Variants in ADAM23 observed in about 807,000 individuals in gnomAD.
The protein encoded by ADAM23 is ADAM metallopeptidase domain 23.
Under a neutral mutation model 120.1 loss-of-function variants are expected in ADAM23, and 33 were observed. The observed-to-expected ratio is 0.27, with a 90% confidence interval of 0.21 to 0.37. The LOEUF (loss-of-function observed/expected upper bound fraction) is 0.37, where lower values mean the gene tolerates loss of function less well. Among genes scored for constraint, ADAM23 ranks in the 10% least tolerant of loss-of-function variants. The pLI is 1.00. For missense variants in ADAM23, 862 were observed against 1,058.2 expected (o/e 0.81, Z 2.57); for synonymous variants, 367 against 375.2 (o/e 0.98, Z 0.25).
intron 18 of ADAM23, among the ~76,000 whole-genome samples, chr2:206,579,836 A>G (rs1057030337): frequency 2.0e-5 from 3 of 152,134 alleles, no homozygotes. Context: ...TCGTCTTCAA[A>G]TATTGATTCT....
chr2:206,516,390 T>G (rs1696731766), intron 3 of ADAM23, among the ~76,000 whole-genome samples: 1 of 152,134 alleles, frequency 6.6e-6, no homozygotes, highest in Non-Finnish European at 1.5e-5. Flanking sequence ...AATGCTTGTC[T>G]TAGTCTGCTC....
intron 3 of ADAM23, among the ~76,000 whole-genome samples, chr2:206,497,618 C>T (rs1426179513): frequency 1.3e-5 from 2 of 152,186 alleles, no homozygotes; most frequent in Non-Finnish European, 2.9e-5. Context: ...TCTCTCACCA[C>T]TCCTATTCAA....
At chr2:206,560,809 T>A (rs1293228147) in intron 11 of ADAM23, among the ~76,000 whole-genome samples, 2 of 152,190 alleles carry the variant, frequency 1.3e-5, no homozygotes, top group Non-Finnish European at 2.9e-5. Flanking sequence ...ATCAGCAATA[T>A]TAATTCTTTT....
At chr2:206,583,026 T>C (rs1028965698) in intron 18 of ADAM23, among the ~76,000 whole-genome samples, 1 of 152,220 alleles carries the variant, frequency 6.6e-6, no homozygotes, top group Non-Finnish European at 1.5e-5. Flanking sequence ...GATGACAATG[T>C]GCCTAGGTGA....
In ADAM23 at chr2:206,463,683, G is replaced by C. The variant is rs115053645; in HGVS notation, c.433-17549G>C. On this transcript the variant is annotated intron_variant, in intron 2 of 25. Transcript: ENST00000264377. The stretch of plus-strand genomic sequence containing the variant: ...TGAGCCTGTTCAGCTCAGGAGGACT[G>C]TTGGTCATCTGTGTGCATATGTTAA... Among the ~76,000 whole-genome samples, 1,472 of 152,330 alleles carry C rather than the reference G, an allele frequency of 9.7e-3. 5 individuals carry two copies. The highest frequency in any genetic ancestry group is 0.019 in the African/African-American group (797 of 41,572).
At chr2:206,550,850 C>G (rs1441702056) in intron 9 of ADAM23, among the ~76,000 whole-genome samples, 5 of 152,222 alleles carry the variant, frequency 3.3e-5, no homozygotes, top group Non-Finnish European at 7.3e-5. Context: ...ATCCGCCTGC[C>G]TCGGCCTCCC....
chr2:206,444,147 G>A (rs963668611), intron 1 of ADAM23, 67 bp downstream of exon 1: 2 of 1,178,582 alleles, frequency 1.7e-6, no homozygotes, highest in African/African-American at 3.2e-5. Flanking sequence ...AGCGAAGGGC[G>A]CGCGGGTCCG....
At position 206,573,318 on chromosome 2, in the gene ADAM23, A is replaced by T. The variant is rs112917198; in HGVS notation, c.1737+123A>T. The T allele has an allele frequency of 6.5e-4, 583 of 900,484 alleles. 5 individuals carry two copies. The African/African-American group carries it at 7.8e-3, about 12-fold the overall frequency. 55.8% of individuals were successfully genotyped at this position (900,484 alleles called of 1,614,324 possible). A position where few individuals can be genotyped will look rare whatever the true frequency, so the allele number is the denominator to read the frequency against. On this transcript the variant is annotated intron_variant, in intron 18 of 25. Coordinates refer to ENST00000264377, the MANE Select transcript of ADAM23 (RefSeq NM_003812.4). ...TTTTTGGATTTTGGAATATTTGCAT[A>T]TTCATAATGAGATATCTTGGGGATG...
intron 21 of ADAM23, among the ~76,000 whole-genome samples, 193 bp downstream of exon 21, chr2:206,589,707 C>G (rs908429848): frequency 3.9e-5 from 6 of 152,130 alleles, no homozygotes; most frequent in Non-Finnish European, 8.8e-5. Context: ...TACTATGCTA[C>G]AGATTCATGC....
rs1698775681 is a variant in ADAM23, at chr2:206,608,751, T to A, written c.2360-1159T>A. Among the ~76,000 whole-genome samples, 3 of 152,084 alleles carry A rather than the reference T, an allele frequency of 2.0e-5. No homozygotes were observed. In the South Asian group the frequency reaches 6.2e-4, roughly 32 times the overall value. On this transcript the variant is annotated intron_variant, in intron 24 of 25. Coordinates refer to ENST00000264377, the MANE Select transcript of ADAM23 (RefSeq NM_003812.4). Reference sequence around the variant, plus strand: ...TGGATGGTCTCCGAATAAAAACACATTATGCATGCAATTTGTGTGCTGCCA... The same window carrying A: ...TGGATGGTCTCCGAATAAAAACACAATATGCATGCAATTTGTGTGCTGCCA...
At chr2:206,512,055 GA>G (rs745334477) in intron 3 of ADAM23, among the ~76,000 whole-genome samples, 3 of 152,176 alleles carry the variant, frequency 2.0e-5, no homozygotes, top group Non-Finnish European at 2.9e-5. Flanking sequence ...AGATGACTGG[GA>G]TTTGGAATAT....
At chr2:206,456,546 T>C (rs1251440106) in intron 2 of ADAM23, among the ~76,000 whole-genome samples, 2 of 152,214 alleles carry the variant, frequency 1.3e-5, no homozygotes, top group Non-Finnish European at 2.9e-5. Context: ...TTCAACATGA[T>C]ATTTGCATGC....
intron 24 of ADAM23, among the ~76,000 whole-genome samples, chr2:206,605,480 AT>A (rs1451379939): frequency 6.6e-6 from 1 of 152,208 alleles, no homozygotes; most frequent in Non-Finnish European, 1.5e-5. Context: ...CTGTTATGCA[AT>A]TTAAATTACT....
At chr2:206,462,113 A>G (rs1192978962) in intron 2 of ADAM23, among the ~76,000 whole-genome samples, 1 of 152,134 alleles carries the variant, frequency 6.6e-6, no homozygotes, top group East Asian at 1.9e-4. Context: ...TGGTCTGGGA[A>G]TTCTAAACAG....
intron 4 of ADAM23, among the ~76,000 whole-genome samples, chr2:206,533,158 A>G (rs1574517635): frequency 6.6e-6 from 1 of 152,146 alleles, no homozygotes; most frequent in Non-Finnish European, 1.5e-5. Context: ...ACTTATTTTC[A>G]CATAATGCAG....
intron 2 of ADAM23, among the ~76,000 whole-genome samples, chr2:206,478,507 TATGATGATG>T (rs58463126): frequency 4.1e-4 from 61 of 150,526 alleles, no homozygotes; most frequent in Middle Eastern, 3.4e-3. Context: ...ATCATAATGA[TATGATGATG>T]ATGATGATGA....
chr2:206,565,917 G>C (rs1697867451), intron 14 of ADAM23, among the ~76,000 whole-genome samples: 1 of 152,140 alleles, frequency 6.6e-6, no homozygotes, highest in East Asian at 1.9e-4. Context: ...AACTCCTGGG[G>C]AGGAGTGTGG....
chr2:206,444,183 G>A, intron 1 of ADAM23, 103 bp downstream of exon 1: 1 of 937,512 alleles, frequency 1.1e-6, no homozygotes, highest in Non-Finnish European at 1.4e-6. Context: ...TCCCCGGCTC[G>A]GCCTTTCCTT....
intron 2 of ADAM23, among the ~76,000 whole-genome samples, chr2:206,477,899 T>TATATATATATACAC (rs1396235669): frequency 9.4e-5 from 10 of 106,308 alleles, no homozygotes; most frequent in Non-Finnish European, 1.5e-4. Flanking sequence ...AAAAAAAAAA[T>TATATATATATACAC]ATATATATAT....
Sources: gnomAD v4.1 joint callset for allele counts (sites outside exome capture counted in the v4.1 genomes callset) on GRCh38, gnomAD v4.1.1 for gene constraint, MANE v1.5 for transcripts, NCBI Gene and HGNC (gene_info 2026-07-23, HGNC 2026-07-21) for gene names.